The following PARD3 variants were observed in gnomAD, a reference collection of about 807,000 sequenced individuals.
The protein encoded by PARD3 is partitioning defective 3 homolog.
A neutral mutation model predicts 155.4 loss-of-function variants in PARD3; 75 were observed. The observed-to-expected ratio is 0.48, with a 90% CI of 0.40 to 0.58. The LOEUF (loss-of-function observed/expected upper bound fraction) is 0.58. Among genes scored for constraint, PARD3 ranks in the 20% least tolerant of loss-of-function variants. The pLI is 0.00. For synonymous variants in PARD3, 576 were observed against 610.5 expected (o/e 0.94, Z 0.83); for missense variants, 1,642 against 1,721.7 (o/e 0.95, Z 0.82).
At chr10:34,660,246 A>G (rs1386114146) in intron 2 of PARD3, among the ~76,000 whole-genome samples, 8 of 152,162 alleles carry the variant, frequency 5.3e-5, no homozygotes. Flanking sequence ...AATTATTGGG[A>G]GAAGATAATT....
intron 12 of PARD3, among the ~76,000 whole-genome samples, chr10:34,363,313 T>G (rs1014072214): frequency 9.7e-6 from 1 of 103,282 alleles, no homozygotes; most frequent in African/African-American, 6.3e-5. Flanking sequence ...GAGCATATTC[T>G]CCAGGGGATA....
At chr10:34,261,785 GAAAGAAAGAAAGAAAGAAAGA>G (rs1955009495) in intron 22 of PARD3, among the ~76,000 whole-genome samples, 1 of 37,056 alleles carries the variant, frequency 2.7e-5, no homozygotes, top group East Asian at 6.1e-4. Flanking sequence ...AGAAAGAAAA[GAAAGAAAGAAAGAAAGAAAGA>G]AAGAAAGAAA....
At position 34,362,164 on chromosome 10, in the gene PARD3, T is replaced by C. The variant is rs189189961; in HGVS notation, c.1708-1905A>G. Reference sequence around the variant, plus strand: ...AATACAAAAAATTAGCCAGGCGTGGTGGCGGGCACCTGTAGTCCCAGCTAC... The same window carrying C: ...AATACAAAAAATTAGCCAGGCGTGGCGGCGGGCACCTGTAGTCCCAGCTAC... On this transcript the variant is annotated intron_variant, in intron 12 of 24. Transcript: ENST00000374788. Among the ~76,000 whole-genome samples the C allele has an allele frequency of 5.6e-3, 852 of 152,174 alleles. 7 individuals carry two copies. The highest frequency in any genetic ancestry group is 0.019 in the African/African-American group (808 of 41,540).
At chr10:34,647,356 G>T (rs1239624914) in intron 2 of PARD3, among the ~76,000 whole-genome samples, 1 of 152,220 alleles carries the variant, frequency 6.6e-6, no homozygotes, top group Admixed American at 6.5e-5. Flanking sequence ...GAGCGGATGA[G>T]TTAAACAGGG....
rs1436619734 is a variant in PARD3 at position 34,556,227 on chromosome 10, TACA to T, written c.223-39071_223-39069del. On this transcript the variant is annotated intron_variant, in intron 2 of 24. Transcript: ENST00000374788. Reference sequence around the variant, plus strand: ...GTTATGAAGAACCCGGTAGTACCGTTACAACAACGTTTTTCTTTTCTACTAAAG... The same window carrying T: ...GTTATGAAGAACCCGGTAGTACCGTTACAACGTTTTTCTTTTCTACTAAAG... Among the ~76,000 whole-genome samples, 4 of 152,344 alleles carry T rather than the reference TACA, an allele frequency of 2.6e-5. No homozygotes were observed. In the East Asian group the frequency reaches 5.8e-4, roughly 22 times the overall value.
chr10:34,524,141 A>C (rs895446396), intron 2 of PARD3, among the ~76,000 whole-genome samples: 2 of 152,162 alleles, frequency 1.3e-5, no homozygotes, highest in African/African-American at 4.8e-5. Flanking sequence ...TATCCAACAT[A>C]AGAAAGGGAG....
intron 22 of PARD3, among the ~76,000 whole-genome samples, chr10:34,248,254 G>GT (rs113691178): frequency 0.042 from 6,447 of 152,122 alleles, 398 homozygotes; most frequent in African/African-American, 0.13. Flanking sequence ...TGTCCATATG[G>GT]TAAAAAAAAA....
At chr10:34,253,861 T>C (rs934326866) in intron 22 of PARD3, among the ~76,000 whole-genome samples, 1 of 152,180 alleles carries the variant, frequency 6.6e-6, no homozygotes, top group Admixed American at 6.5e-5. Flanking sequence ...TTGTCACTCA[T>C]AAGTGGGACC....
chr10:34,633,200 T>C (rs2092340525), intron 2 of PARD3, among the ~76,000 whole-genome samples: 1 of 152,210 alleles, frequency 6.6e-6, no homozygotes, highest in African/African-American at 2.4e-5. Flanking sequence ...CTCTCAGCAG[T>C]ATTAAAATGT....
intron 5 of PARD3, among the ~76,000 whole-genome samples, chr10:34,436,199 T>C (rs2076178131): frequency 6.6e-6 from 1 of 152,212 alleles, no homozygotes. Flanking sequence ...AACTCAATGC[T>C]CTAACAGAGC....
chr10:34,166,588 C>T (rs928490034), intron 22 of PARD3, among the ~76,000 whole-genome samples: 7 of 151,782 alleles, frequency 4.6e-5, no homozygotes, highest in African/African-American at 1.2e-4. Flanking sequence ...ATGACCATGC[C>T]GCTTCACTCC....
At chr10:34,319,501 C>G (rs569068174) in intron 19 of PARD3, among the ~76,000 whole-genome samples, 12 of 152,242 alleles carry the variant, frequency 7.9e-5, no homozygotes, top group African/African-American at 2.6e-4. Flanking sequence ...GCTCCTTTTC[C>G]TCGCTATTAA....
At chr10:34,277,787 C>T (rs1196668960) in intron 21 of PARD3, among the ~76,000 whole-genome samples, 1 of 152,160 alleles carries the variant, frequency 6.6e-6, no homozygotes, top group Non-Finnish European at 1.5e-5. Flanking sequence ...AGACTGCTAA[C>T]CACTAATACA....
chr10:34,709,008 A>G (rs2133607784), intron 1 of PARD3, among the ~76,000 whole-genome samples: 1 of 152,296 alleles, frequency 6.6e-6, no homozygotes. Flanking sequence ...AAAAAAATAC[A>G]CACGTACACA....
chr10:34,684,868 T>TACACAC (rs780196425), intron 2 of PARD3, among the ~76,000 whole-genome samples: 210 of 60,202 alleles, frequency 3.5e-3, no homozygotes, highest in Middle Eastern at 0.012. Context: ...TGTATATATA[T>TACACAC]ACACACACAT....
At chr10:34,457,520 A>C (rs1377539839) in intron 4 of PARD3, among the ~76,000 whole-genome samples, 1 of 152,236 alleles carries the variant, frequency 6.6e-6, no homozygotes, top group African/African-American at 2.4e-5. Context: ...AGTGATAACA[A>C]ATAAATTGTG....
chr10:34,211,159 C>A (rs955772552), intron 22 of PARD3, among the ~76,000 whole-genome samples: 4 of 152,186 alleles, frequency 2.6e-5, no homozygotes, highest in Non-Finnish European at 5.9e-5. Context: ...CTTCCCTGGA[C>A]CCTTCATTCT....
intron 1 of PARD3, among the ~76,000 whole-genome samples, chr10:34,784,761 C>T (rs921539813): frequency 2.0e-5 from 3 of 152,146 alleles, no homozygotes; most frequent in Non-Finnish European, 4.4e-5. Flanking sequence ...TAAGGATTTT[C>T]TTCCCCTTTT....
chr10:34,537,913 G>A (rs1404209036), intron 2 of PARD3, among the ~76,000 whole-genome samples: 1 of 152,174 alleles, frequency 6.6e-6, no homozygotes, highest in East Asian at 1.9e-4. Flanking sequence ...GAAAGAGAAG[G>A]TTATTTATAA....
Sources: allele counts gnomAD v4.1 joint callset (sites outside exome capture counted in the v4.1 genomes callset), GRCh38; gene constraint gnomAD v4.1.1; transcripts MANE v1.5; gene names NCBI Gene and HGNC (gene_info 2026-07-23, HGNC 2026-07-21).